SYNE1: variants seen among roughly 807,000 people sequenced by gnomAD.
The protein encoded by SYNE1 is nesprin-1.
A neutral mutation model predicts 1,111.0 loss-of-function variants in SYNE1; 616 were observed. The ratio of observed to expected loss-of-function variants is 0.55; its 90% confidence interval spans 0.52 to 0.59. The LOEUF (loss-of-function observed/expected upper bound fraction) is 0.59, where lower values mean the gene tolerates loss of function less well. Ranked by LOEUF, SYNE1 falls within the 20% of genes least tolerant of loss-of-function variation. The pLI is 0.00. For missense variants in SYNE1, 10,006 were observed against 10,417.0 expected (o/e 0.96, Z 1.72); for synonymous variants, 3,855 against 3,825.8 (o/e 1.01, Z -0.28).
At chr6:152,409,845 C>G in intron 42 of SYNE1, 136 bp from the exon 43 acceptor site, 1 of 910,464 alleles carries the variant, frequency 1.1e-6, no homozygotes, top group Non-Finnish European at 1.7e-6. Flanking sequence ...TGTCCTCAAA[C>G]TAGTGCTGCT....
chr6:152,623,156 A>G (rs909224958), intron 3 of SYNE1, among the ~76,000 whole-genome samples: 4 of 152,174 alleles, frequency 2.6e-5, no homozygotes, highest in Non-Finnish European at 4.4e-5. Context: ...ACAGACACAT[A>G]AATCAATGGA....
At chr6:152,290,486 G>A (rs6931508) in intron 95 of SYNE1, among the ~76,000 whole-genome samples, 3,607 of 152,256 alleles carry the variant, frequency 0.024, 164 homozygotes, top group African/African-American at 0.082. Flanking sequence ...GAACCTGGGA[G>A]GTGAGGTTGC....
At chr6:152,585,609 T>C (rs898440424) in intron 3 of SYNE1, among the ~76,000 whole-genome samples, 3 of 152,218 alleles carry the variant, frequency 2.0e-5, no homozygotes, top group Non-Finnish European at 4.4e-5. Flanking sequence ...ACTTTCTCAT[T>C]TGCTTTTTAT....
At chr6:152,514,791 A>T (rs540089777) in intron 6 of SYNE1, among the ~76,000 whole-genome samples, 1 of 152,174 alleles carries the variant, frequency 6.6e-6, no homozygotes, top group East Asian at 1.9e-4. Context: ...CCAGAAAACA[A>T]CCCTGAGGCA....
intron 100 of SYNE1, among the ~76,000 whole-genome samples, chr6:152,267,115 T>C (rs189452785): frequency 1.1e-4 from 17 of 152,332 alleles, no homozygotes; most frequent in African/African-American, 3.6e-4. Flanking sequence ...TGAGCATTTA[T>C]GTCTTTTTAA....
chr6:152,381,444 C>A (rs1203343445), intron 55 of SYNE1, 82 bp from the exon 56 acceptor site: 8 of 1,418,102 alleles, frequency 5.6e-6, no homozygotes, highest in Admixed American at 1.7e-5. Flanking sequence ...CACAGGGGGA[C>A]CCTGTCCTGC....
chr6:152,407,810 A>C (rs1234192626), intron 44 of SYNE1, among the ~76,000 whole-genome samples: 1 of 145,292 alleles, frequency 6.9e-6, no homozygotes, highest in Non-Finnish European at 1.5e-5. Flanking sequence ...TTCCCAGGCT[A>C]GAGCGCAGTG....
chr6:152,331,087 A>G lies in SYNE1; in HGVS notation c.13598T>C (p.Leu4533Pro), dbSNP rs2096237841. The change falls in exon 78 of 146, where the codon CTG becomes CCG. Residue 4533 changes from leucine (L) to proline (P), a missense_variant. By Grantham distance (98) the Leu-to-Pro change is moderately conservative. Transcript: ENST00000367255. ...EVTEQEKSEV[L>P]GKLQELQSVY... ...ACTCTGCAATTCCTGAAGCTTCCCC[A>G]GCACTTCACTCTTTTCCTGCTCTGT... The G allele has an allele frequency of 5.0e-6, 8 of 1,614,154 alleles. No homozygotes were observed. The highest frequency in any genetic ancestry group is 6.8e-6 in the Non-Finnish European group (8 of 1,180,036).
intron 127 of SYNE1, among the ~76,000 whole-genome samples, chr6:152,195,283 T>G (rs1229797149): frequency 6.6e-6 from 1 of 152,250 alleles, no homozygotes; most frequent in Non-Finnish European, 1.5e-5. Context: ...CCAGAATTGG[T>G]CCCTGGTGTC....
chr6:152,416,423 C>T lies in SYNE1; in HGVS notation c.6014G>A (p.Arg2005Gln), dbSNP rs2098156037. ...EDIEERTDKERLKEPTRQALQ... is the reference protein window; with the variant it reads ...EDIEERTDKEQLKEPTRQALQ... ...AGCTTGGCGGGTAGGTTCTTTCAAT[C>T]GCTCTTTGTCAGTCCTTTCTTCAAT... Residue 2005 changes from arginine to glutamine, a missense_variant, in exon 41 of 146, where the codon CGA (arginine) becomes CAA (glutamine). By Grantham distance (43) the Arg-to-Gln change is conservative. Around this residue, in one of 7 missense-constraint regions of SYNE1, gnomAD observed 4,955 missense variants for 5,017.2 expected, o/e 0.99. Coordinates refer to ENST00000367255, the MANE Select transcript of SYNE1 (RefSeq NM_182961.4). 5 of 1,614,128 alleles carry T rather than the reference C, an allele frequency of 3.1e-6. No homozygotes were observed. Among genetic ancestry groups the T allele is most frequent in the Non-Finnish European group, 4.2e-6 (5 of 1,180,026 alleles).
intron 15 of SYNE1, 97 bp from the exon 16 acceptor site, chr6:152,471,862 G>T: frequency 8.1e-7 from 1 of 1,234,016 alleles, no homozygotes; most frequent in Non-Finnish European, 1.2e-6. Context: ...ATAGAATGCA[G>T]CCACAAGCTC....
chr6:152,363,872 T>C (rs914497807), intron 63 of SYNE1: 5 of 406,562 alleles, frequency 1.2e-5, no homozygotes, highest in Non-Finnish European at 2.5e-5. Flanking sequence ...GGGCTCACAC[T>C]GTATACCAGC....
chr6:152,526,088 G>A lies in SYNE1; in HGVS notation c.217C>T (p.Gln73Ter). ...CACAAAAAAATTCTTACCAGTTTCT[G>A]CCCAGACAGGACCTCCAGAAGGGCA... ...LLALLEVLSG[Q>*]KLPCEQGRRM... The change falls in exon 5 of 146, where the codon CAG becomes TAG. Residue 73 changes from glutamine to a stop codon, truncating the protein, a stop_gained. Transcript: ENST00000367255. LOFTEE classifies it high-confidence loss of function. 1.2e-6 allele frequency: 2 copies of A among 1,613,888 alleles called. No homozygotes were observed. Among genetic ancestry groups the A allele is most frequent in the South Asian group, 1.1e-5 (1 of 91,078 alleles).
intron 145 of SYNE1, chr6:152,125,373 G>A (rs2053032586): frequency 6.5e-7 from 1 of 1,544,828 alleles, no homozygotes; most frequent in Non-Finnish European, 8.7e-7. Flanking sequence ...AGGCCTCACA[G>A]TATCCTGCAG....
At chr6:152,310,922 T>C (rs2095527382) in intron 87 of SYNE1, 49 bp from the exon 88 acceptor site, 1 of 1,576,756 alleles carries the variant, frequency 6.3e-7, no homozygotes, top group Non-Finnish European at 8.7e-7. Context: ...GGTAGAGGGA[T>C]ATAGATATTC....
At chr6:152,222,416 A>G (rs1002042312) in intron 117 of SYNE1, among the ~76,000 whole-genome samples, 2 of 152,216 alleles carry the variant, frequency 1.3e-5, no homozygotes, top group Admixed American at 6.5e-5. Context: ...ATTTTGTTAC[A>G]TACCCGCAGT....
chr6:152,133,583 A>T (rs1262645580), intron 142 of SYNE1, 95 bp from the exon 143 acceptor site: 1 of 1,213,060 alleles, frequency 8.2e-7, no homozygotes. Flanking sequence ...ACTTGGTGGG[A>T]AATTATACCT....
At chr6:152,408,942 G>GAA (rs1283586547) in intron 44 of SYNE1, 126 bp downstream of exon 44, 3 of 973,396 alleles carry the variant, frequency 3.1e-6, no homozygotes, top group Admixed American at 4.4e-5. Flanking sequence ...CAACAAGAGT[G>GAA]AAACTCTGTC....
chr6:152,232,032 G>C lies in SYNE1; in HGVS notation c.20862+84C>G, dbSNP rs908003312. ...GTAGGAAACATACATTCCAAGACTT[G>C]ATTACCATAATTTGAGTTTTTTAGT... On this transcript the variant is annotated intron_variant, in intron 113 of 145. Coordinates refer to ENST00000367255, the MANE Select transcript of SYNE1 (RefSeq NM_182961.4). The C allele has an allele frequency of 8.4e-5, 89 of 1,058,934 alleles. No homozygotes were observed. In the Middle Eastern group the frequency reaches 1.2e-3, roughly 14 times the overall value. The allele number at this position is 1,058,934 out of a possible 1,614,324, so 65.6% of individuals were successfully genotyped here.
Sources: gnomAD v4.1 joint callset for allele counts (sites outside exome capture counted in the v4.1 genomes callset) on GRCh38, gnomAD v4.1.1 for gene constraint, gnomAD v4.1.1 regional missense constraint, MANE v1.5 for transcripts, NCBI Gene and HGNC (gene_info 2026-07-23, HGNC 2026-07-21) for gene names.